SLC19A1: variants seen among roughly 807,000 people sequenced by gnomAD.
SLC19A1 encodes the protein solute carrier family 19 member 1.
SLC19A1 carries 37 observed loss-of-function variants against 35.3 expected under a neutral mutation model. That is an observed-to-expected ratio of 1.05 (90% confidence interval 0.81 to 1.38). The LOEUF (loss-of-function observed/expected upper bound fraction) is 1.38. SLC19A1 is among the 40% of genes most tolerant of loss of function. SLC19A1 has a pLI of 0.00. For missense variants in SLC19A1, 831 were observed against 826.9 expected, an observed-to-expected ratio of 1.00 and a Z score of -0.06; for synonymous variants, 460 against 398.5, an observed-to-expected ratio of 1.15 and a Z score of -1.84.
At chr21:45,529,164 C>T (rs1435905852) in intron 4 of SLC19A1, among the ~76,000 whole-genome samples, 3 of 152,102 alleles carry the variant, frequency 2.0e-5, no homozygotes, top group African/African-American at 4.8e-5. Context: ...GAAGGGGCCC[C>T]GAGTATGGCA....
At chr21:45,560,620 G>A (rs988691376) in intron 1 of SLC19A1, among the ~76,000 whole-genome samples, 5 of 152,252 alleles carry the variant, frequency 3.3e-5, no homozygotes, top group Non-Finnish European at 7.3e-5. Context: ...CAGCAAGGAC[G>A]GCCGCACACG....
chr21:45,519,287 G>C (rs778028783), intron 5 of SLC19A1, among the ~76,000 whole-genome samples: 4 of 152,102 alleles, frequency 2.6e-5, no homozygotes, highest in Non-Finnish European at 4.4e-5. Context: ...ACTAAAAACA[G>C]AGAATAAATG....
downstream of SLC19A1, chr21:45,507,627 TG>T: frequency 6.2e-7 from 1 of 1,606,126 alleles, no homozygotes; most frequent in Non-Finnish European, 8.5e-7. Flanking sequence ...GACTGGTGGG[TG>T]GTCAGGACAT....
chr21:45,507,345 A>C, intron 3 of SLC19A1: 8 of 573,706 alleles, frequency 1.4e-5, no homozygotes, highest in Non-Finnish European at 1.3e-5. Context: ...GGTGCTGGGC[A>C]GGGAGGGCAC....
chr21:45,516,229 C>G (rs577846661), intron 5 of SLC19A1, 89 bp from the exon 6 acceptor site: 1 of 1,016,108 alleles, frequency 9.8e-7, no homozygotes, highest in African/African-American at 1.6e-5. Flanking sequence ...CAGGCTCACC[C>G]TCCTCCAGCT....
At chr21:45,523,098 CCCCCATGCTCCA>C (rs1374726601) in intron 5 of SLC19A1, among the ~76,000 whole-genome samples, 1 of 152,048 alleles carries the variant, frequency 6.6e-6, no homozygotes, top group East Asian at 1.9e-4. Context: ...CCTGTCTGTC[CCCCCATGCTCCA>C]TCACGGCTCC....
intron 1 of SLC19A1, among the ~76,000 whole-genome samples, chr21:45,541,278 G>A (rs755606410): frequency 2.2e-4 from 33 of 152,248 alleles, no homozygotes; most frequent in Admixed American, 4.6e-4. Flanking sequence ...AGGCAAAGGC[G>A]GCCAGTGAGA....
At chr21:45,510,499 C>CT (rs1568953329), downstream of SLC19A1, among the ~76,000 whole-genome samples, 2 of 151,712 alleles carry the variant, frequency 1.3e-5, no homozygotes, top group Non-Finnish European at 2.9e-5. Context: ...GAGGCCCCCC[C>CT]GTGGCCCCCT....
chr21:45,527,192 C>T (rs1161202495), intron 4 of SLC19A1, among the ~76,000 whole-genome samples: 2 of 142,384 alleles, frequency 1.4e-5, no homozygotes, highest in African/African-American at 5.5e-5. Context: ...AGGTGAGTAG[C>T]AGCTGGGTAT....
chr21:45,504,292 C>T (rs370420654), intron 3 of SLC19A1: 78 of 1,018,884 alleles, frequency 7.7e-5, no homozygotes, highest in East Asian at 5.7e-4. Flanking sequence ...TCTATGCAGC[C>T]AGCAGCTCCC....
intron 1 of SLC19A1, among the ~76,000 whole-genome samples, chr21:45,556,385 C>T (rs555207474): frequency 6.6e-6 from 1 of 152,226 alleles, no homozygotes; most frequent in Non-Finnish European, 1.5e-5. Flanking sequence ...CAGACCCGCT[C>T]GTCAGCAGCT....
chr21:45,517,505 G>A lies in SLC19A1; in HGVS notation c.1294-1365C>T, dbSNP rs912140644. ...CCCCAAGGAGTCAGCAGAGACCACAGGGAAGCCCAAGATGTCACCCCCAAA... is the reference window on the plus strand; with the variant it reads ...CCCCAAGGAGTCAGCAGAGACCACAAGGAAGCCCAAGATGTCACCCCCAAA... On this transcript the variant is annotated intron_variant, in intron 5 of 5. Transcript: ENST00000311124. This position sits in a 1 kb window ranked among gnomAD's most constrained non-coding sequence, Gnocchi z 4.4. 2.7e-5 allele frequency among the ~76,000 whole-genome samples: 4 copies of A among 150,834 alleles called. No individual in the cohort carries two copies. The highest frequency in any genetic ancestry group is 9.9e-5 in the African/African-American group (4 of 40,476).
Position 45,558,688 on chromosome 21 carries a change from C to T in SLC19A1, c.-50+4054G>A, listed in dbSNP as rs1270841199. On this transcript the variant is annotated intron_variant, in intron 1 of 5. Transcript: ENST00000650808. ...TGGGAATCTGAGGGAGTCGGGGCAG[C>T]CTTGTTGCCAGGGCAGGACAGAGTA... is the stretch of plus-strand genomic sequence containing the variant. Among the ~76,000 whole-genome samples the T allele has an allele frequency of 2.0e-5, 3 of 152,168 alleles. No individual in the cohort carries two copies. In the East Asian group the frequency reaches 5.8e-4, roughly 29 times the overall value.
intron 2 of SLC19A1, among the ~76,000 whole-genome samples, chr21:45,535,516 G>A (rs2078080208): frequency 6.6e-6 from 1 of 152,196 alleles, no homozygotes; most frequent in African/African-American, 2.4e-5. Context: ...GTGAGCAAAG[G>A]AAACCACGCT....
At chr21:45,511,197 C>A, downstream of SLC19A1, 1 of 1,593,194 alleles carries the variant, frequency 6.3e-7, no homozygotes, top group Non-Finnish European at 8.6e-7. Context: ...TCTCCTTTGA[C>A]GGCAAGGACG....
exon 1 of SLC19A1, among the ~76,000 whole-genome samples, chr21:45,562,961 T>C (rs2078628586): frequency 1.3e-5 from 2 of 152,228 alleles, no homozygotes; most frequent in Non-Finnish European, 2.9e-5. Context: ...TACGGATCTG[T>C]GCAGGTGTGA....
intron 4 of SLC19A1, among the ~76,000 whole-genome samples, chr21:45,528,146 G>C (rs1416136908): frequency 3.3e-5 from 5 of 151,886 alleles, no homozygotes; most frequent in African/African-American, 1.2e-4. Context: ...AGCACACAGA[G>C]GTCCCGGTGA....
At chr21:45,503,641 T>TG (rs922261574) in intron 3 of SLC19A1, among the ~76,000 whole-genome samples, 46 of 54,872 alleles carry the variant, frequency 8.4e-4, no homozygotes, top group Non-Finnish European at 9.5e-4. Flanking sequence ...TGTTGTGGGG[T>TG]GGGGGGAGGG....
intron 5 of SLC19A1, among the ~76,000 whole-genome samples, chr21:45,524,184 C>T (rs552643387): frequency 1.2e-3 from 137 of 112,888 alleles, no homozygotes; most frequent in African/African-American, 4.3e-3. Context: ...TGAGTGTTCA[C>T]GCCTGGGCCT....
Sources: gnomAD v4.1 joint callset for allele counts (sites outside exome capture counted in the v4.1 genomes callset) on GRCh38, gnomAD v4.1.1 for gene constraint, Gnocchi (gnomAD v3.1) non-coding constraint, MANE v1.5 for transcripts, NCBI Gene and HGNC (gene_info 2026-07-23, HGNC 2026-07-21) for gene names.